Variants in RNF182 observed in about 807,000 individuals in gnomAD.
The protein encoded by RNF182 is ring finger protein 182.
A neutral mutation model predicts 14.4 loss-of-function variants in RNF182; 15 were observed. The ratio of observed to expected loss-of-function variants is 1.04; its 90% CI spans 0.70 to 1.60. The LOEUF (loss-of-function observed/expected upper bound fraction) is 1.60, where lower values mean the gene tolerates loss of function less well. Among genes scored for constraint, RNF182 ranks in the 40% most tolerant of loss-of-function variants. The pLI, the probability that RNF182 is intolerant of heterozygous loss-of-function variation, is 0.00. For synonymous variants in RNF182, 128 were observed against 122.9 expected (o/e 1.04, Z -0.27); for missense variants, 268 against 294.8 (o/e 0.91, Z 0.67).
At chr6:13,934,586 A>G (rs1179104556) in intron 1 of RNF182, among the ~76,000 whole-genome samples, 2 of 152,188 alleles carry the variant, frequency 1.3e-5, no homozygotes, top group Non-Finnish European at 2.9e-5. Context: ...AGGTAAGCTT[A>G]TGCCATCTCT....
intron 1 of RNF182, among the ~76,000 whole-genome samples, chr6:13,948,417 G>A (rs965433147): frequency 2.6e-5 from 4 of 152,108 alleles, no homozygotes; most frequent in African/African-American, 9.7e-5. Flanking sequence ...AACTATTAAT[G>A]ATAACATATA....
Position 13,978,280 on chromosome 6 carries a change from A to C in RNF182, c.*417A>C, listed in dbSNP as rs907825507. On this transcript the variant is annotated 3_prime_UTR_variant, in exon 3 of 3. Coordinates refer to ENST00000488300, the MANE Select transcript of RNF182 (RefSeq NM_152737.4). ...GACACAAAGTGTGTACTCCTTTCCC[A>C]CCCCATACCCCTGGTATTGGAACAC... 5.2e-5 allele frequency: 9 copies of C among 174,318 alleles called. No homozygotes were observed. The highest frequency in any genetic ancestry group is 2.2e-4 in the African/African-American group (9 of 41,228). 10.8% of individuals were successfully genotyped at this position (174,318 alleles called of 1,614,324 possible).
intron 1 of RNF182, among the ~76,000 whole-genome samples, chr6:13,940,965 A>G (rs548207330): frequency 6.6e-6 from 1 of 151,800 alleles, no homozygotes; most frequent in Admixed American, 6.6e-5. Flanking sequence ...TTTTGAGACT[A>G]TTCTTATGGC....
intron 1 of RNF182, among the ~76,000 whole-genome samples, chr6:13,956,200 A>G (rs1007407559): frequency 6.6e-6 from 1 of 151,578 alleles, no homozygotes; most frequent in African/African-American, 2.4e-5. Flanking sequence ...GTTGATGGCC[A>G]CTTGATTCCA....
chr6:13,960,688 T>TGCGCGC (rs1454034292), intron 1 of RNF182, among the ~76,000 whole-genome samples: 2 of 117,118 alleles, frequency 1.7e-5, no homozygotes, highest in Non-Finnish European at 4.0e-5. Context: ...TGTGTGTGTG[T>TGCGCGC]GTGTGCGCGC....
chr6:13,969,496 C>G (rs941833918), intron 1 of RNF182, among the ~76,000 whole-genome samples: 1 of 151,976 alleles, frequency 6.6e-6, no homozygotes, highest in South Asian at 2.1e-4. Context: ...AACACTACCC[C>G]GAAGAAGTGG....
intron 1 of RNF182, among the ~76,000 whole-genome samples, chr6:13,964,414 T>C (rs1038767058): frequency 6.6e-6 from 1 of 152,212 alleles, no homozygotes; most frequent in African/African-American, 2.4e-5. Context: ...AATTAAACTT[T>C]TATCACAAAT....
intron 1 of RNF182, among the ~76,000 whole-genome samples, chr6:13,937,419 G>C (rs1410541276): frequency 6.6e-6 from 1 of 152,236 alleles, no homozygotes; most frequent in African/African-American, 2.4e-5. Flanking sequence ...ATCAGGCAGT[G>C]TGTACTTTAT....
Position 13,978,623 on chromosome 6 carries a change from G to T in RNF182, c.*760G>T, listed in dbSNP as rs2147200. The T allele has an allele frequency of 0.35, 58,696 of 166,784 alleles. 10,782 individuals carry two copies. Among genetic ancestry groups the T allele is most frequent in the East Asian group, 0.45 (2,323 of 5,168 alleles). 10.3% of individuals were successfully genotyped at this position (166,784 alleles called of 1,614,324 possible). On this transcript the variant is annotated 3_prime_UTR_variant, in exon 3 of 3. Coordinates refer to ENST00000488300, the MANE Select transcript of RNF182 (RefSeq NM_152737.4). The stretch of plus-strand genomic sequence containing the variant: ...GAGGAGAAGGAACTTCTCATACAGC[G>T]GTTATTATTGATGAAAACCTTCATT...
At chr6:13,950,498 CT>C (rs34765708) in intron 1 of RNF182, among the ~76,000 whole-genome samples, 1,817 of 121,884 alleles carry the variant, frequency 0.015, 17 homozygotes, top group African/African-American at 0.048. Context: ...AAAACAGGTA[CT>C]TTTTTTTTTT....
intron 1 of RNF182, among the ~76,000 whole-genome samples, chr6:13,938,004 G>GTTTTTTTTTTTTT (rs70989897): frequency 2.5e-5 from 2 of 79,598 alleles, no homozygotes; most frequent in Admixed American, 2.1e-4. Context: ...TTTTCTTACT[G>GTTTTTTTTTTTTT]TTTTTTTTTT....
chr6:13,978,161 GGTGT>G lies in RNF182; in HGVS notation c.*301_*304del. ...ACTGCCAGACAGACGGCAGGGGTGT[GGTGT>G]GTTATACTATAGGGAGAGCATGGAT... On this transcript the variant is annotated 3_prime_UTR_variant, in exon 3 of 3. Coordinates refer to ENST00000488300, the MANE Select transcript of RNF182 (RefSeq NM_152737.4). 1 of 325,394 alleles carries G rather than the reference GGTGT, an allele frequency of 3.1e-6. No homozygotes were observed. The highest frequency in any genetic ancestry group is 6.0e-6 in the Non-Finnish European group (1 of 166,952). 20.2% of individuals were successfully genotyped at this position (325,394 alleles called of 1,614,324 possible).
intron 1 of RNF182, 43 bp from the exon 2 acceptor site, chr6:13,974,167 T>A (rs913134250): frequency 6.6e-6 from 1 of 152,160 alleles, no homozygotes; most frequent in African/African-American, 2.4e-5. Flanking sequence ...GTAGCCTGGC[T>A]TTTCAAGAGG....
chr6:13,947,156 A>AT (rs1452304327), intron 1 of RNF182, among the ~76,000 whole-genome samples: 4 of 152,286 alleles, frequency 2.6e-5, no homozygotes, highest in Non-Finnish European at 2.9e-5. Context: ...TAGAATAGTG[A>AT]TTCAGATTTT....
chr6:13,972,108 G>A (rs780599818), intron 1 of RNF182, among the ~76,000 whole-genome samples: 10 of 151,996 alleles, frequency 6.6e-5, no homozygotes, highest in Non-Finnish European at 1.5e-4. Flanking sequence ...AGACCATCCT[G>A]GCTAACACGG....
chr6:13,969,413 A>G (rs919093366), intron 1 of RNF182, among the ~76,000 whole-genome samples: 2 of 152,098 alleles, frequency 1.3e-5, no homozygotes, highest in African/African-American at 4.8e-5. Flanking sequence ...TCCCAAGTCC[A>G]CACCTTTGGA....
rs1561784304 is a variant in RNF182, at chr6:13,960,646, G to GAGA, written c.-366-13564_-366-13563insAGA. 2.5e-3 allele frequency among the ~76,000 whole-genome samples: 373 copies of GAGA among 148,132 alleles called. 1 individual carries two copies. In the East Asian group the frequency reaches 0.033, roughly 13 times the overall value. On this transcript the variant is annotated intron_variant, in intron 1 of 2. Coordinates refer to ENST00000488300, the MANE Select transcript of RNF182 (RefSeq NM_152737.4). ...AGTAATATGTACTTTTTTGATGGAG[G>GAGA]GAGAGAGAGAGTGTGTGTGTGTGTG...
intron 1 of RNF182, among the ~76,000 whole-genome samples, chr6:13,967,472 A>G (rs773953004): frequency 1.1e-4 from 16 of 152,214 alleles, no homozygotes; most frequent in Non-Finnish European, 1.3e-4. Context: ...AACCTTGCAC[A>G]TACCTTGATG....
At chr6:13,950,358 T>C (rs1759556558) in intron 1 of RNF182, among the ~76,000 whole-genome samples, 2 of 152,110 alleles carry the variant, frequency 1.3e-5, no homozygotes, top group African/African-American at 2.4e-5. Context: ...CAAATAATTA[T>C]AAAAAATGTC....
Sources: gnomAD v4.1 joint callset for allele counts (sites outside exome capture counted in the v4.1 genomes callset) on GRCh38, gnomAD v4.1.1 for gene constraint, MANE v1.5 for transcripts, NCBI Gene and HGNC (gene_info 2026-07-23, HGNC 2026-07-21) for gene names.